The following CADPS variants were observed in gnomAD, a reference collection of about 807,000 sequenced individuals.
CADPS encodes the protein calcium dependent secretion activator.
CADPS carries 57 observed loss-of-function variants against 167.3 expected under a neutral mutation model. That is an observed-to-expected ratio of 0.34 (90% CI 0.28 to 0.42). CADPS has a LOEUF of 0.42. Ranked by LOEUF, CADPS falls within the 20% of genes least tolerant of loss-of-function variation. CADPS has a pLI of 1.00. For synonymous variants in CADPS, 676 were observed against 635.3 expected, an observed-to-expected ratio of 1.06 and a Z score of -0.96; for missense variants, 1,414 against 1,738.1, an observed-to-expected ratio of 0.81 and a Z score of 3.32.
chr3:62,764,530 G>C (rs539737386), intron 2 of CADPS, among the ~76,000 whole-genome samples: 2 of 152,218 alleles, frequency 1.3e-5, no homozygotes, highest in Non-Finnish European at 2.9e-5. Flanking sequence ...ACATCACAAA[G>C]ATTGTTTACT....
chr3:62,799,093 TG>T (rs763197565), intron 1 of CADPS, among the ~76,000 whole-genome samples: 4 of 152,160 alleles, frequency 2.6e-5, no homozygotes, highest in Non-Finnish European at 5.9e-5. Flanking sequence ...AGCATATGTG[TG>T]TCATGTGTGC....
chr3:62,746,763 G>T (rs973596932), intron 3 of CADPS, among the ~76,000 whole-genome samples: 1 of 152,146 alleles, frequency 6.6e-6, no homozygotes, highest in Admixed American at 6.5e-5. Flanking sequence ...ACAACATGAA[G>T]GAGCTTAGAA....
intron 6 of CADPS, among the ~76,000 whole-genome samples, chr3:62,632,584 C>T (rs990029122): frequency 6.6e-6 from 1 of 152,088 alleles, no homozygotes. Context: ...CTTCAAGTAC[C>T]CAACACTGAC....
intron 3 of CADPS, among the ~76,000 whole-genome samples, chr3:62,750,879 A>G (rs1187565030): frequency 6.6e-6 from 1 of 152,158 alleles, no homozygotes. Context: ...TTAAATCAAA[A>G]TCTAATTAAT....
In CADPS at chr3:62,782,081, G is replaced by T. The variant is rs1317396865; in HGVS notation, c.442-16097C>A. 2.6e-5 allele frequency among the ~76,000 whole-genome samples: 4 copies of T among 152,276 alleles called. No individual in the cohort carries two copies. In the South Asian group the frequency reaches 8.3e-4, roughly 32 times the overall value. On this transcript the variant is annotated intron_variant, in intron 1 of 29. Transcript: ENST00000383710. ...CTGGATTTTTGGTGAAGGTTTGGAAGGACAGACGCATCATTCTGGAATGTT... is the reference window on the plus strand; with the variant it reads ...CTGGATTTTTGGTGAAGGTTTGGAATGACAGACGCATCATTCTGGAATGTT...
intron 20 of CADPS, 90 bp downstream of exon 20, chr3:62,492,200 G>A: frequency 9.2e-7 from 1 of 1,087,048 alleles, no homozygotes; most frequent in Non-Finnish European, 1.4e-6. Context: ...GCTATGTCAA[G>A]CCTGTAGTCT....
intron 11 of CADPS, among the ~76,000 whole-genome samples, chr3:62,537,293 T>A (rs1312719408): frequency 2.0e-5 from 3 of 152,236 alleles, no homozygotes; most frequent in Non-Finnish European, 4.4e-5. Flanking sequence ...TGCCATTTAT[T>A]GTGAATTAAT....
chr3:62,460,169 A>G (rs1173336213), intron 26 of CADPS, among the ~76,000 whole-genome samples: 1 of 152,188 alleles, frequency 6.6e-6, no homozygotes, highest in Non-Finnish European at 1.5e-5. Context: ...TGGGGATGCT[A>G]ATTAAATCAG....
intron 26 of CADPS, among the ~76,000 whole-genome samples, chr3:62,464,279 T>C (rs1208568040): frequency 6.6e-6 from 1 of 152,208 alleles, no homozygotes. Flanking sequence ...CCTGGATCTG[T>C]TGGATTCCAA....
At chr3:62,440,842 G>C (rs758352122) in intron 27 of CADPS, 1 of 152,152 alleles carries the variant, frequency 6.6e-6, no homozygotes, top group Non-Finnish European at 1.5e-5. Context: ...CTCACCAACC[G>C]CTGGGGTTTG....
intron 8 of CADPS, among the ~76,000 whole-genome samples, chr3:62,579,927 G>C (rs2083064532): frequency 6.6e-6 from 1 of 152,194 alleles, no homozygotes; most frequent in Non-Finnish European, 1.5e-5. Context: ...TGGAGGCTTG[G>C]AAGCCAATGG....
rs369713059 is a variant in CADPS, at chr3:62,570,836, A to C, written c.1644+36T>G. On this transcript the variant is annotated intron_variant, in intron 9 of 29. Coordinates refer to ENST00000383710, the MANE Select transcript of CADPS (RefSeq NM_003716.4). ...ATTCATTCATTCTAGCAAATCTTTA[A>C]TACTGATGTCTCTTAAGAGTTGAAG... 2.2e-6 allele frequency: 3 copies of C among 1,356,602 alleles called. No individual in the cohort carries two copies. In the African/African-American group the frequency reaches 4.3e-5, roughly 19 times the overall value. The allele number at this position is 1,356,602 out of a possible 1,614,324, so 84.0% of individuals were successfully genotyped here.
intron 3 of CADPS, among the ~76,000 whole-genome samples, chr3:62,696,992 C>T (rs2151435736): frequency 6.6e-6 from 1 of 152,194 alleles, no homozygotes; most frequent in East Asian, 1.9e-4. Context: ...CTTAGAAGAA[C>T]CCTGAGAGAT....
intron 6 of CADPS, among the ~76,000 whole-genome samples, chr3:62,612,621 G>A (rs1578806732): frequency 6.6e-6 from 1 of 152,204 alleles, no homozygotes; most frequent in Non-Finnish European, 1.5e-5. Context: ...GTCTATAATG[G>A]AGATGAGTCA....
chr3:62,731,930 C>T (rs1293388811), intron 3 of CADPS, among the ~76,000 whole-genome samples: 2 of 149,320 alleles, frequency 1.3e-5, no homozygotes, highest in Non-Finnish European at 3.0e-5. Context: ...CATGAAGGCC[C>T]CTTAGAGGTG....
At chr3:62,864,824 A>G (rs538467493) in intron 1 of CADPS, among the ~76,000 whole-genome samples, 102 of 152,296 alleles carry the variant, frequency 6.7e-4, no homozygotes, top group African/African-American at 2.4e-3. Context: ...ACCAATATTT[A>G]CAATTCAGAC....
chr3:62,805,678 A>G (rs2094047818), intron 1 of CADPS, among the ~76,000 whole-genome samples: 1 of 152,064 alleles, frequency 6.6e-6, no homozygotes, highest in Admixed American at 6.6e-5. Flanking sequence ...CCCTAGATCC[A>G]TTCTCTTCCC....
At chr3:62,776,171 A>T (rs2090235787) in intron 1 of CADPS, among the ~76,000 whole-genome samples, 1 of 152,208 alleles carries the variant, frequency 6.6e-6, no homozygotes, top group Non-Finnish European at 1.5e-5. Flanking sequence ...TGAATCTACT[A>T]CCAGCAAGGT....
intron 17 of CADPS, among the ~76,000 whole-genome samples, chr3:62,503,072 C>T (rs547094643): frequency 3.9e-5 from 6 of 151,988 alleles, no homozygotes; most frequent in African/African-American, 7.3e-5. Flanking sequence ...CCACCACCAC[C>T]GAGACACTCA....
Sources: allele counts gnomAD v4.1 joint callset (sites outside exome capture counted in the v4.1 genomes callset), GRCh38; gene constraint gnomAD v4.1.1; transcripts MANE v1.5; gene names NCBI Gene and HGNC (gene_info 2026-07-23, HGNC 2026-07-21).